The following SLC38A1 variants were observed in gnomAD, a reference collection of about 807,000 sequenced individuals.
The protein encoded by SLC38A1 is solute carrier family 38 member 1.
A neutral mutation model predicts 60.3 loss-of-function variants in SLC38A1; 18 were observed. The ratio of observed to expected loss-of-function variants is 0.30; its 90% confidence interval spans 0.21 to 0.44. SLC38A1 has a LOEUF of 0.44. SLC38A1 is among the 20% of genes least tolerant of loss of function. SLC38A1 has a pLI of 1.00. For missense variants in SLC38A1, 448 were observed against 587.2 expected (o/e 0.76, Z 2.45); for synonymous variants, 196 against 212.1 (o/e 0.92, Z 0.66).
chr12:46,195,372 T>C (rs1939322592), intron 16 of SLC38A1, among the ~76,000 whole-genome samples: 1 of 152,188 alleles, frequency 6.6e-6, no homozygotes, highest in South Asian at 2.1e-4. Context: ...TGGGGAGGTG[T>C]TTCCCAGTCC....
At chr12:46,242,380 GA>G (rs1466056262) in intron 2 of SLC38A1, among the ~76,000 whole-genome samples, 2 of 152,124 alleles carry the variant, frequency 1.3e-5, no homozygotes, top group African/African-American at 4.8e-5. Flanking sequence ...TGAAGGGATT[GA>G]AAAAGCTTAA....
intron 1 of SLC38A1, among the ~76,000 whole-genome samples, chr12:46,247,722 A>C (rs573080557): frequency 6.6e-6 from 1 of 152,346 alleles, no homozygotes; most frequent in South Asian, 2.1e-4. Context: ...CAACTCCAAG[A>C]CACATAATTG....
Position 46,245,323 on chromosome 12 carries a change from CA to C in SLC38A1, c.-208-2010del, listed in dbSNP as rs1941577636. 2.6e-5 allele frequency among the ~76,000 whole-genome samples: 4 copies of C among 152,048 alleles called. No individual in the cohort carries two copies. The South Asian group carries it at 8.3e-4, about 32-fold the overall frequency. On this transcript the variant is annotated intron_variant, in intron 1 of 16. Coordinates refer to ENST00000398637, the MANE Select transcript of SLC38A1 (RefSeq NM_030674.4). ...GAGAAAGTATTAGTAGACATTTCTC[CA>C]AAGAATACATAAAAATGGCCACAAG...
chr12:46,198,800 G>T, intron 13 of SLC38A1, 57 bp from the exon 14 acceptor site: 1 of 1,040,446 alleles, frequency 9.6e-7, no homozygotes, highest in Non-Finnish European at 1.4e-6. Context: ...ATAGCTGAAT[G>T]ACAGTTTTTC....
chr12:46,192,281 G>C (rs1398010350), intron 16 of SLC38A1, among the ~76,000 whole-genome samples: 9 of 152,220 alleles, frequency 5.9e-5, no homozygotes, highest in Admixed American at 5.9e-4. Context: ...CAGGGATGAA[G>C]CTGACTTGAT....
intron 1 of SLC38A1, among the ~76,000 whole-genome samples, chr12:46,256,636 C>CACACACACACACACAGAG (rs142176282): frequency 8.1e-6 from 1 of 123,204 alleles, no homozygotes; most frequent in African/African-American, 3.4e-5. Flanking sequence ...CACACACACA[C>CACACACACACACACAGAG]AGAGAGAGAG....
intron 2 of SLC38A1, among the ~76,000 whole-genome samples, chr12:46,241,377 C>G (rs914778663): frequency 6.6e-6 from 1 of 152,192 alleles, no homozygotes; most frequent in Non-Finnish European, 1.5e-5. Flanking sequence ...TTTCCTCTTT[C>G]CACAGCCAGG....
Position 46,217,092 on chromosome 12 carries a change from A to G in SLC38A1, c.315-7965T>C, listed in dbSNP as rs529816388. Among the ~76,000 whole-genome samples the G allele has an allele frequency of 3.3e-5, 5 of 152,340 alleles. No homozygotes were observed. In the South Asian group the frequency reaches 8.3e-4, roughly 25 times the overall value. On this transcript the variant is annotated intron_variant, in intron 5 of 16. Coordinates refer to ENST00000398637, the MANE Select transcript of SLC38A1 (RefSeq NM_030674.4). ...CTTTACTGATCATTAATAGTACCAA[A>G]TGTTGGGGTATTCATTATATATCAG...
At chr12:46,197,025 C>A (rs1939407466) in intron 16 of SLC38A1, among the ~76,000 whole-genome samples, 1 of 152,218 alleles carries the variant, frequency 6.6e-6, no homozygotes, top group Non-Finnish European at 1.5e-5. Context: ...GGAGGAGTTA[C>A]ATGACTAGAA....
chr12:46,232,918 T>C (rs1941129710), intron 3 of SLC38A1, among the ~76,000 whole-genome samples: 1 of 152,256 alleles, frequency 6.6e-6, no homozygotes, highest in Admixed American at 6.5e-5. Context: ...ATTGTCAATT[T>C]GTGTTTGTTT....
chr12:46,260,065 T>A (rs1942152093), intron 1 of SLC38A1, among the ~76,000 whole-genome samples: 1 of 152,190 alleles, frequency 6.6e-6, no homozygotes, highest in South Asian at 2.1e-4. Flanking sequence ...GATACAGTCA[T>A]AAAGATTCCA....
rs893269908 is a variant in SLC38A1 at position 46,204,253 on chromosome 12, T to G, written c.822+48A>C. ...AATTACAAGCATGAGAAATAGAATGTCCTTAATAAAAATGCTTGTTTCATC... is the reference window on the plus strand; with the variant it reads ...AATTACAAGCATGAGAAATAGAATGGCCTTAATAAAAATGCTTGTTTCATC... On this transcript the variant is annotated intron_variant, in intron 11 of 16. Transcript: ENST00000398637. 1.2e-5 allele frequency: 13 copies of G among 1,128,792 alleles called. No individual in the cohort carries two copies. In the South Asian group the frequency reaches 1.6e-4, roughly 14 times the overall value. The allele number at this position is 1,128,792 out of a possible 1,614,324, so 69.9% of individuals were successfully genotyped here.
At position 46,184,013 on chromosome 12, in the gene SLC38A1, T is replaced by C. The variant is rs1938854361; in HGVS notation, c.*4957A>G. Reference sequence around the variant, plus strand: ...CTATTTATTTACAATAATATTTACATACAAATGAAGTATTTCCTGCAATAA... The same window carrying C: ...CTATTTATTTACAATAATATTTACACACAAATGAAGTATTTCCTGCAATAA... On this transcript the variant is annotated 3_prime_UTR_variant, in exon 17 of 17. Transcript: ENST00000398637. 6.6e-6 allele frequency: 1 copy of C among 152,662 alleles called. No individual in the cohort carries two copies. Among genetic ancestry groups the C allele is most frequent in the Non-Finnish European group, 1.5e-5 (1 of 68,036 alleles). 9.5% of individuals were successfully genotyped at this position (152,662 alleles called of 1,614,324 possible).
At chr12:46,234,508 C>G (rs1443975972) in intron 3 of SLC38A1, among the ~76,000 whole-genome samples, 1 of 147,316 alleles carries the variant, frequency 6.8e-6, no homozygotes, top group Non-Finnish European at 1.5e-5. Context: ...ACTGCAGTGG[C>G]GCTATCTCGG....
intron 5 of SLC38A1, among the ~76,000 whole-genome samples, chr12:46,221,763 G>T (rs1015771879): frequency 2.0e-5 from 3 of 152,192 alleles, no homozygotes. Flanking sequence ...ATTCAATAGG[G>T]AAGGTAAAAT....
chr12:46,211,907 A>G (rs1014528647), intron 5 of SLC38A1, among the ~76,000 whole-genome samples: 80 of 152,186 alleles, frequency 5.3e-4, no homozygotes, highest in African/African-American at 1.7e-3. Context: ...TATAAAGCAA[A>G]ACCCCCTTTT....
In SLC38A1 at chr12:46,185,412, C is replaced by G. The variant is rs1938900818; in HGVS notation, c.*3558G>C. The stretch of plus-strand genomic sequence containing the variant: ...CACAAGCCCTATCACCATCACCCAT[C>G]TGGGTGCTTCTTTTTCTCAACAGGG... On this transcript the variant is annotated 3_prime_UTR_variant, in exon 17 of 17. Coordinates refer to ENST00000398637, the MANE Select transcript of SLC38A1 (RefSeq NM_030674.4). 6.6e-6 allele frequency: 1 copy of G among 152,110 alleles called. No homozygotes were observed. The highest frequency in any genetic ancestry group is 1.9e-4 in the East Asian group (1 of 5,184). The allele number at this position is 152,110 out of a possible 1,614,324, so 9.4% of individuals were successfully genotyped here.
chr12:46,224,049 C>T (rs2137745403), intron 5 of SLC38A1, among the ~76,000 whole-genome samples: 1 of 152,276 alleles, frequency 6.6e-6, no homozygotes, highest in East Asian at 1.9e-4. Context: ...ATATTGATTT[C>T]TAATTCCTAC....
intron 3 of SLC38A1, among the ~76,000 whole-genome samples, chr12:46,233,527 TC>T (rs1160186511): frequency 6.6e-6 from 1 of 151,944 alleles, no homozygotes; most frequent in Non-Finnish European, 1.5e-5. Flanking sequence ...CTGGTAACAC[TC>T]CCCTGGGTTG....
Sources: gnomAD v4.1 joint callset for allele counts (sites outside exome capture counted in the v4.1 genomes callset) on GRCh38, gnomAD v4.1.1 for gene constraint, MANE v1.5 for transcripts, NCBI Gene and HGNC (gene_info 2026-07-23, HGNC 2026-07-21) for gene names.